The following PDSS2 variants were observed in gnomAD, a reference collection of about 807,000 sequenced individuals.
PDSS2 encodes the protein all trans-polyprenyl-diphosphate synthase PDSS2.
Under a neutral mutation model 44.5 loss-of-function variants are expected in PDSS2, and 31 were observed. The ratio of observed to expected loss-of-function variants is 0.70; its 90% CI spans 0.52 to 0.94. The LOEUF is 0.94. Ranked by LOEUF, PDSS2 falls within the 40% of genes least tolerant of loss-of-function variation. The pLI is 0.00. For synonymous variants in PDSS2, 157 were observed against 180.3 expected (o/e 0.87, Z 1.03); for missense variants, 452 against 482.2 (o/e 0.94, Z 0.59).
At chr6:107,176,410 C>T (rs192548477) in intron 7 of PDSS2, among the ~76,000 whole-genome samples, 2 of 119,922 alleles carry the variant, frequency 1.7e-5, no homozygotes, top group East Asian at 4.6e-4. Context: ...TCTATTCCCC[C>T]TTAACACACA....
intron 2 of PDSS2, among the ~76,000 whole-genome samples, chr6:107,283,121 C>G (rs1437941020): frequency 6.6e-6 from 1 of 151,104 alleles, no homozygotes; most frequent in African/African-American, 2.4e-5. Context: ...GAGTTCAAGA[C>G]CAGCCTGGGC....
At chr6:107,414,722 G>A (rs1780607062) in intron 1 of PDSS2, among the ~76,000 whole-genome samples, 1 of 152,184 alleles carries the variant, frequency 6.6e-6, no homozygotes, top group Non-Finnish European at 1.5e-5. Flanking sequence ...CAGCAGGAAA[G>A]TAAAGGTATT....
At chr6:107,245,114 T>C (rs1338490319) in intron 4 of PDSS2, among the ~76,000 whole-genome samples, 1 of 152,144 alleles carries the variant, frequency 6.6e-6, no homozygotes, top group Non-Finnish European at 1.5e-5. Context: ...ATCTTGTATA[T>C]AAAAGATACC....
chr6:107,200,973 A>G (rs1054633227), intron 6 of PDSS2, among the ~76,000 whole-genome samples: 2 of 152,082 alleles, frequency 1.3e-5, no homozygotes, highest in African/African-American at 4.8e-5. Context: ...CCAGAGCAAG[A>G]TATTATTAAA....
At chr6:107,452,693 G>C (rs540642700) in intron 1 of PDSS2, among the ~76,000 whole-genome samples, 43 of 151,104 alleles carry the variant, frequency 2.8e-4, no homozygotes, top group African/African-American at 1.0e-3. Context: ...TTGAGACAGA[G>C]TCTCACTCTG....
intron 3 of PDSS2, among the ~76,000 whole-genome samples, chr6:107,266,286 G>T (rs1306161805): frequency 1.3e-5 from 2 of 151,920 alleles, no homozygotes; most frequent in African/African-American, 4.8e-5. Context: ...CATCTATTAC[G>T]ATTAAAAGAG....
At chr6:107,305,730 T>C (rs1395366509) in intron 2 of PDSS2, among the ~76,000 whole-genome samples, 2 of 152,216 alleles carry the variant, frequency 1.3e-5, no homozygotes, top group Non-Finnish European at 2.9e-5. Context: ...TTTTTTGCTT[T>C]TCTGGACAAG....
intron 1 of PDSS2, among the ~76,000 whole-genome samples, chr6:107,428,823 C>T (rs1781083674): frequency 6.6e-6 from 1 of 152,144 alleles, no homozygotes; most frequent in South Asian, 2.1e-4. Flanking sequence ...GGCAACAGAG[C>T]AAGATTCCTG....
At chr6:107,422,964 T>A (rs1055644880) in intron 1 of PDSS2, among the ~76,000 whole-genome samples, 1 of 152,096 alleles carries the variant, frequency 6.6e-6, no homozygotes, top group African/African-American at 2.4e-5. Flanking sequence ...TTTACTTCCA[T>A]AGAAAAAATA....
chr6:107,364,948 G>A (rs990235377), intron 1 of PDSS2, among the ~76,000 whole-genome samples: 1 of 152,190 alleles, frequency 6.6e-6, no homozygotes, highest in African/African-American at 2.4e-5. Context: ...TCCTGGGGGA[G>A]GCGGGGAAGG....
chr6:107,421,927 A>G (rs529689706), intron 1 of PDSS2, among the ~76,000 whole-genome samples: 3 of 152,044 alleles, frequency 2.0e-5, no homozygotes, highest in South Asian at 4.2e-4. Flanking sequence ...GGTTTAAATA[A>G]TGTTCTATAC....
At chr6:107,211,640 G>C (rs1163340935) in intron 5 of PDSS2, among the ~76,000 whole-genome samples, 2 of 150,552 alleles carry the variant, frequency 1.3e-5, no homozygotes, top group Non-Finnish European at 2.9e-5. Flanking sequence ...TGAGGCAGGA[G>C]AATCGCTTGA....
At chr6:107,358,724 T>C (rs1414442427) in intron 1 of PDSS2, among the ~76,000 whole-genome samples, 2 of 152,218 alleles carry the variant, frequency 1.3e-5, no homozygotes, top group Non-Finnish European at 2.9e-5. Flanking sequence ...ATCTTGGCAC[T>C]AATGGCATTT....
Position 107,418,239 on chromosome 6 carries a change from G to A in PDSS2, c.296+40751C>T, listed in dbSNP as rs553178016. The stretch of plus-strand genomic sequence containing the variant: ...TGGATGGACCCAACATAACCACAGG[G>A]GTGCTCAAAAGAGGAAGGCAGGAGG... On this transcript the variant is annotated intron_variant, in intron 1 of 7. Transcript: ENST00000369037. Among the ~76,000 whole-genome samples the A allele has an allele frequency of 2.0e-5, 3 of 152,244 alleles. No homozygotes were observed. In the South Asian group the frequency reaches 6.2e-4, roughly 32 times the overall value.
At chr6:107,311,590 C>G (rs1777048507) in intron 2 of PDSS2, among the ~76,000 whole-genome samples, 1 of 152,112 alleles carries the variant, frequency 6.6e-6, no homozygotes, top group South Asian at 2.1e-4. Context: ...GATGAAGATA[C>G]AGTGTAGTCC....
chr6:107,226,007 G>A lies in PDSS2; in HGVS notation c.703-13725C>T, dbSNP rs552533277. On this transcript the variant is annotated intron_variant, in intron 4 of 7. Transcript: ENST00000369037. ...GGGGAAGCCAAACAATTGGATAACC[G>A]CACAAAGAAATATAATTATAGCCAG... 3.9e-5 allele frequency among the ~76,000 whole-genome samples: 6 copies of A among 152,156 alleles called. 1 individual carries two copies. The highest frequency in any genetic ancestry group is 7.2e-5 in the African/African-American group (3 of 41,538).
At chr6:107,304,410 A>G (rs969586077) in intron 2 of PDSS2, among the ~76,000 whole-genome samples, 3 of 152,198 alleles carry the variant, frequency 2.0e-5, no homozygotes, top group African/African-American at 7.2e-5. Context: ...TTTTCTTTAG[A>G]TTTTACCTTT....
chr6:107,316,666 C>A (rs1346764997), intron 2 of PDSS2, among the ~76,000 whole-genome samples: 1 of 152,006 alleles, frequency 6.6e-6, no homozygotes, highest in East Asian at 1.9e-4. Context: ...CCCTATATAT[C>A]TACTCTGATT....
Position 107,245,612 on chromosome 6 carries a change from TC to T in PDSS2, c.637del (p.Glu213AsnfsTer3). 1 of 1,580,120 alleles carries T rather than the reference TC, an allele frequency of 6.3e-7. No homozygotes were observed. Among genetic ancestry groups the T allele is most frequent in the Non-Finnish European group, 8.7e-7 (1 of 1,155,072 alleles). On this transcript the variant is annotated frameshift_variant, in exon 4 of 8. Transcript: ENST00000369037. LOFTEE classifies it high-confidence loss of function. ...LALLQNTKVV[E>X]LLASALMDLV... ...GTCCATAAGAGCACTTGCTAAAAGT[TC>T]CACAACCTAAAAAGCAAGAAGAAAA...
Sources: allele counts gnomAD v4.1 joint callset (sites outside exome capture counted in the v4.1 genomes callset), GRCh38; gene constraint gnomAD v4.1.1; transcripts MANE v1.5; gene names NCBI Gene and HGNC (gene_info 2026-07-23, HGNC 2026-07-21).